NAA16: variants seen among roughly 807,000 people sequenced by gnomAD.
NAA16 encodes NARG1-like protein.
NAA16 carries 97 observed loss-of-function variants against 110.3 expected under a neutral mutation model. The ratio of observed to expected loss-of-function variants is 0.88; its 90% CI spans 0.75 to 1.04. The LOEUF (loss-of-function observed/expected upper bound fraction) is 1.04, where lower values mean the gene tolerates loss of function less well. Among genes scored for constraint, NAA16 ranks in the 50% least tolerant of loss-of-function variants. NAA16 has a pLI of 0.00. For missense variants in NAA16, 1,017 were observed against 1,005.1 expected, an observed-to-expected ratio of 1.01 and a Z score of -0.16; for synonymous variants, 372 against 330.6, an observed-to-expected ratio of 1.13 and a Z score of -1.36.
At chr13:41,323,723 G>T (rs962511170) in intron 5 of NAA16, among the ~76,000 whole-genome samples, 1 of 151,340 alleles carries the variant, frequency 6.6e-6, no homozygotes, top group Non-Finnish European at 1.5e-5. Context: ...GGGCTCAAAT[G>T]ATCATCCTGC....
chr13:41,374,678 G>T, intron 18 of NAA16, 64 bp from the exon 19 acceptor site: 2 of 1,100,260 alleles, frequency 1.8e-6, no homozygotes, highest in Non-Finnish European at 2.7e-6. Context: ...TCACTGGCCA[G>T]TTGATATCAC....
intron 9 of NAA16, among the ~76,000 whole-genome samples, chr13:41,351,564 T>A (rs750654204): frequency 6.6e-6 from 1 of 152,190 alleles, no homozygotes; most frequent in Non-Finnish European, 1.5e-5. Flanking sequence ...GTCTTTAAGG[T>A]TAATGAAGAG....
At chr13:41,356,024 A>T (rs2042972977) in intron 10 of NAA16, among the ~76,000 whole-genome samples, 1 of 151,986 alleles carries the variant, frequency 6.6e-6, no homozygotes, top group South Asian at 2.1e-4. Context: ...TATTTTTCTG[A>T]TGTTTTTTAA....
At chr13:41,323,353 C>CTTT (rs372356009) in intron 5 of NAA16, among the ~76,000 whole-genome samples, 163 bp downstream of exon 5, 20 of 145,320 alleles carry the variant, frequency 1.4e-4, no homozygotes, top group South Asian at 4.3e-4. Context: ...TTTTCTCTCT[C>CTTT]TTTTTTTTTT....
intron 13 of NAA16, among the ~76,000 whole-genome samples, chr13:41,364,379 T>C (rs1392442291): frequency 1.3e-5 from 2 of 152,092 alleles, no homozygotes; most frequent in African/African-American, 2.4e-5. Context: ...GCTAGTGTAG[T>C]ATCTTTTCTG....
intron 1 of NAA16, among the ~76,000 whole-genome samples, chr13:41,311,837 C>T (rs961089640): frequency 5.3e-5 from 8 of 152,264 alleles, no homozygotes; most frequent in African/African-American, 1.9e-4. Context: ...TTTCCAGAAA[C>T]TTCACGCCGC....
chr13:41,324,329 T>C (rs1469466600), intron 5 of NAA16, among the ~76,000 whole-genome samples: 1 of 151,554 alleles, frequency 6.6e-6, no homozygotes, highest in Admixed American at 6.6e-5. Flanking sequence ...GACATTTTGA[T>C]GGTTAGATTT....
chr13:41,350,612 T>C (rs1433687255), intron 9 of NAA16, among the ~76,000 whole-genome samples: 4 of 18,230 alleles, frequency 2.2e-4, no homozygotes, highest in Non-Finnish European at 4.2e-4. Flanking sequence ...TTTTTGTTTT[T>C]TTTTTTTGTT....
chr13:41,317,070 G>T (rs2041829025), intron 2 of NAA16, 140 bp downstream of exon 2: 1 of 616,390 alleles, frequency 1.6e-6, no homozygotes, highest in Non-Finnish European at 2.9e-6. Context: ...TTTTTTTAAT[G>T]CTTTATATGA....
chr13:41,333,006 A>G (rs920524089), intron 8 of NAA16, among the ~76,000 whole-genome samples: 3 of 152,134 alleles, frequency 2.0e-5, no homozygotes, highest in African/African-American at 4.8e-5. Flanking sequence ...GTCCAAGTGG[A>G]TATTAATAGG....
chr13:41,325,574 G>T, intron 5 of NAA16, 124 bp from the exon 6 acceptor site: 1 of 502,248 alleles, frequency 2.0e-6, no homozygotes, highest in Non-Finnish European at 3.5e-6. Context: ...TCTTCTGTTT[G>T]TATCTGCTTG....
intron 3 of NAA16, among the ~76,000 whole-genome samples, chr13:41,319,469 T>C (rs2041891034): frequency 6.6e-6 from 1 of 152,182 alleles, no homozygotes; most frequent in African/African-American, 2.4e-5. Flanking sequence ...ATTTGATCTT[T>C]ATAATTGTGT....
intron 13 of NAA16, among the ~76,000 whole-genome samples, chr13:41,366,127 G>A (rs1322151075): frequency 6.6e-6 from 1 of 152,032 alleles, no homozygotes; most frequent in African/African-American, 2.4e-5. Flanking sequence ...TTTTATTGGT[G>A]GGAAAGATGC....
chr13:41,375,390 C>T lies in NAA16; in HGVS notation c.2398-15C>T. The T allele has an allele frequency of 6.3e-7, 1 of 1,581,778 alleles. No homozygotes were observed. Among genetic ancestry groups the T allele is most frequent in the Middle Eastern group, 1.7e-4 (1 of 5,956 alleles). ...TTATTTTTAAATAATTTGTGTTTTCCTTTTGTTTCACTAGACATTAATAAA... is the reference window on the plus strand; with the variant it reads ...TTATTTTTAAATAATTTGTGTTTTCTTTTTGTTTCACTAGACATTAATAAA... On this transcript the variant is annotated splice_polypyrimidine_tract_variant and intron_variant, in intron 19 of 19. Transcript: ENST00000379406.
chr13:41,311,712 G>A, intron 1 of NAA16, 130 bp downstream of exon 1: 2 of 852,152 alleles, frequency 2.3e-6, no homozygotes, highest in Non-Finnish European at 3.6e-6. Flanking sequence ...GTTTACCTCG[G>A]AGGTCGCGGG....
At position 41,320,789 on chromosome 13, in the gene NAA16, T is replaced by C; in HGVS notation, c.367T>C (p.Leu123=). The change falls in exon 4 of 20, where the codon TTG becomes CTG. Residue 123 remains leucine, a synonymous_variant. Transcript: ENST00000379406. The stretch of plus-strand genomic sequence containing the variant: ...GCAAATTTTGAGGGATCTCTCACTG[T>C]TGCAGATCCAAATGAGAGACCTTGA... The part of the protein sequence containing the change: ...NLQILRDLSL[L]QIQMRDLEGY... 6.2e-7 allele frequency: 1 copy of C among 1,612,200 alleles called. No homozygotes were observed. Among genetic ancestry groups the C allele is most frequent in the South Asian group, 1.1e-5 (1 of 90,570 alleles).
chr13:41,320,700 A>AT lies in NAA16; in HGVS notation c.279dup (p.Lys94Ter). On this transcript the variant is annotated frameshift_variant, in exon 4 of 20. Transcript: ENST00000379406. LOFTEE classifies it high-confidence loss of function. ...GTATATGGACTCTTGCAGCGTTCTGATAAAAAATATGATGAAGCTATAAAA... is the reference window on the plus strand; with the variant it reads ...GTATATGGACTCTTGCAGCGTTCTGATTAAAAAATATGATGAAGCTATAAAA... The AT allele has an allele frequency of 1.2e-6, 2 of 1,612,046 alleles. No homozygotes were observed. Among genetic ancestry groups the AT allele is most frequent in the Non-Finnish European group, 1.7e-6 (2 of 1,179,676 alleles).
chr13:41,311,646 C>A, intron 1 of NAA16, 64 bp downstream of exon 1: 3 of 1,492,710 alleles, frequency 2.0e-6, no homozygotes, highest in South Asian at 1.2e-5. Flanking sequence ...TAAGGGCAAG[C>A]GGTCTGGCGG....
rs200183660 is a variant in NAA16, at chr13:41,343,422, G to GT, written c.1014+6675dup. 4.6e-4 allele frequency among the ~76,000 whole-genome samples: 70 copies of GT among 151,536 alleles called. 1 individual carries two copies. Among genetic ancestry groups the GT allele is most frequent in the Admixed American group, 9.9e-4 (15 of 15,228 alleles). The stretch of plus-strand genomic sequence containing the variant: ...CATTTTAAATGTAATTCCTTTCACA[G>GT]TTTTTTTTTACTGTGAATTTAATTG... On this transcript the variant is annotated intron_variant, in intron 9 of 19. Coordinates refer to ENST00000379406, the MANE Select transcript of NAA16 (RefSeq NM_024561.5).
Sources: allele counts gnomAD v4.1 joint callset (sites outside exome capture counted in the v4.1 genomes callset), GRCh38; gene constraint gnomAD v4.1.1; transcripts MANE v1.5; gene names NCBI Gene and HGNC (gene_info 2026-07-23, HGNC 2026-07-21).